MILR1: variants seen among roughly 807,000 people sequenced by gnomAD.
The protein encoded by MILR1 is allergin-1.
A neutral mutation model predicts 18.5 loss-of-function variants in MILR1; 31 were observed. The observed-to-expected ratio is 1.68, with a 90% CI of 1.26 to 2.26. The LOEUF (loss-of-function observed/expected upper bound fraction) is 2.26. Among genes scored for constraint, MILR1 ranks in the 30% most tolerant of loss-of-function variants. The pLI is 0.00. For missense variants in MILR1, 257 were observed against 157.4 expected (o/e 1.63, Z -3.38); for synonymous variants, 85 against 56.2 (o/e 1.51, Z -2.30).
At chr17:64,490,827 T>C in the MILR1 span, 2 of 1,613,600 alleles carry the variant, frequency 1.2e-6, no homozygotes, top group Non-Finnish European at 1.7e-6. Context: ...AGGATACATG[T>C]GTAAAAGTTC....
intron 4 of MILR1, among the ~76,000 whole-genome samples, chr17:64,458,850 G>C (rs1430833894): frequency 6.6e-6 from 1 of 152,178 alleles, no homozygotes; most frequent in South Asian, 2.1e-4. Flanking sequence ...TCATCCTCCC[G>C]AGGGTGGCCC....
downstream of MILR1, among the ~76,000 whole-genome samples, chr17:64,471,692 C>T (rs141697286): frequency 1.8e-4 from 27 of 152,330 alleles, no homozygotes; most frequent in African/African-American, 6.5e-4. Flanking sequence ...TGGCTCACGC[C>T]TATAATCCCA....
the MILR1 span, among the ~76,000 whole-genome samples, chr17:64,495,827 G>A: frequency 7.2e-5 from 11 of 151,990 alleles, no homozygotes; most frequent in African/African-American, 2.7e-4. Context: ...TCCTGCCTCA[G>A]CCTCCCAAGT....
At chr17:64,455,816 G>C (rs913448918) in intron 3 of MILR1, among the ~76,000 whole-genome samples, 1 of 151,774 alleles carries the variant, frequency 6.6e-6, no homozygotes, top group Non-Finnish European at 1.5e-5. Context: ...AGTGGGGGCA[G>C]ATCACTTGAG....
downstream of MILR1, among the ~76,000 whole-genome samples, chr17:64,471,240 G>C (rs1180596462): frequency 6.6e-6 from 1 of 151,914 alleles, no homozygotes; most frequent in African/African-American, 2.4e-5. Context: ...GTGTTTTGCT[G>C]AGTTGAGCAC....
chr17:64,489,361 TAA>T, the MILR1 span, among the ~76,000 whole-genome samples: 3 of 135,318 alleles, frequency 2.2e-5, no homozygotes, highest in African/African-American at 2.7e-5. Flanking sequence ...TGTTTTTTTT[TAA>T]AAAAAAAAAA....
At chr17:64,456,836 T>C (rs1019998049) in intron 3 of MILR1, among the ~76,000 whole-genome samples, 47 of 151,992 alleles carry the variant, frequency 3.1e-4, no homozygotes, top group Middle Eastern at 3.4e-3. Flanking sequence ...AAAATGATAT[T>C]TTTGGATTAA....
chr17:64,496,792 G>A, the MILR1 span: 34 of 1,613,870 alleles, frequency 2.1e-5, no homozygotes, highest in Non-Finnish European at 2.8e-5. Flanking sequence ...CAGACCCGGG[G>A]GCTTCTGGGT....
the MILR1 span, among the ~76,000 whole-genome samples, chr17:64,496,219 A>G: frequency 1.3e-5 from 2 of 152,338 alleles, no homozygotes; most frequent in African/African-American, 2.4e-5. Flanking sequence ...AAGGAACAGC[A>G]ATGATTCCAT....
the MILR1 span, among the ~76,000 whole-genome samples, chr17:64,497,197 C>G: frequency 6.6e-6 from 1 of 152,234 alleles, no homozygotes; most frequent in Non-Finnish European, 1.5e-5. Context: ...GCTTGCCGTT[C>G]GCGTCGCGCC....
intron 3 of MILR1, among the ~76,000 whole-genome samples, chr17:64,456,290 C>T (rs1484062614): frequency 3.3e-5 from 5 of 151,660 alleles, no homozygotes; most frequent in Non-Finnish European, 7.4e-5. Flanking sequence ...TCTTCCTTTC[C>T]TATAATACTG....
At chr17:64,467,422 G>T (rs1047786166) in intron 8 of MILR1, 143 bp from the exon 9 acceptor site, 6 of 584,572 alleles carry the variant, frequency 1.0e-5, no homozygotes, top group Non-Finnish European at 1.8e-5. Context: ...ACATTTTCAA[G>T]AATAAATTAT....
chr17:64,462,174 TTCTC>T (rs1194800790), intron 5 of MILR1, among the ~76,000 whole-genome samples: 1 of 151,888 alleles, frequency 6.6e-6, no homozygotes, highest in Non-Finnish European at 1.5e-5. Context: ...GTTCCTTTTT[TTCTC>T]TCTCTCTCTC....
At chr17:64,449,799 C>T (rs2037125055) in intron 2 of MILR1, among the ~76,000 whole-genome samples, 1 of 152,100 alleles carries the variant, frequency 6.6e-6, no homozygotes, top group Admixed American at 6.6e-5. Flanking sequence ...TAAAAAAACC[C>T]ACAGAATTAT....
In MILR1 at chr17:64,460,166, C is replaced by T. The variant is rs1178903141; in HGVS notation, c.653-656C>T. On this transcript the variant is annotated intron_variant, in intron 4 of 9. Coordinates refer to ENST00000619286, the MANE Select transcript of MILR1 (RefSeq NM_001085423.2). ...TCAGCCTCCCAAGTAGCTGGAAATA[C>T]AGGCACGCGCCACCAGGCCCAGCTA... 2.0e-5 allele frequency among the ~76,000 whole-genome samples: 3 copies of T among 151,530 alleles called. No individual in the cohort carries two copies. In the East Asian group the frequency reaches 5.8e-4, roughly 30 times the overall value.
At chr17:64,461,094 C>A (rs1423506804) in intron 5 of MILR1, among the ~76,000 whole-genome samples, 162 bp downstream of exon 5, 4 of 152,042 alleles carry the variant, frequency 2.6e-5, no homozygotes, top group African/African-American at 9.7e-5. Context: ...ATGGAATAGA[C>A]TTCCTGAACG....
chr17:64,493,645 C>T, the MILR1 span, among the ~76,000 whole-genome samples: 23 of 152,130 alleles, frequency 1.5e-4, 1 homozygote, highest in African/African-American at 5.1e-4. Flanking sequence ...CCACCACGCC[C>T]GGCTAATTTT....
At chr17:64,487,707 G>T in the MILR1 span, among the ~76,000 whole-genome samples, 2 of 151,174 alleles carry the variant, frequency 1.3e-5, no homozygotes, top group African/African-American at 2.4e-5. Flanking sequence ...GAATCTTTAT[G>T]AAGAATGCTT....
At chr17:64,467,716 T>C (rs2037607470) in intron 9 of MILR1, 71 bp downstream of exon 9, 2 of 924,460 alleles carry the variant, frequency 2.2e-6, no homozygotes, top group Non-Finnish European at 3.3e-6. Context: ...GGTGGATTAC[T>C]TGAGGTCAGG....
Sources: allele counts gnomAD v4.1 joint callset (sites outside exome capture counted in the v4.1 genomes callset), GRCh38; gene constraint gnomAD v4.1.1; transcripts MANE v1.5; gene names NCBI Gene and HGNC (gene_info 2026-07-23, HGNC 2026-07-21).